The following PLIN5 variants were observed in gnomAD, a reference collection of about 807,000 sequenced individuals.
The protein encoded by PLIN5 is perilipin-5.
In PLIN5, 34 loss-of-function variants were observed where a neutral mutation model predicts 32.8. The ratio of observed to expected loss-of-function variants is 1.04; its 90% CI spans 0.79 to 1.38. PLIN5 has a LOEUF of 1.38. PLIN5 is among the 40% of genes most tolerant of loss of function. PLIN5 has a pLI of 0.00. For missense variants in PLIN5, 712 were observed against 660.5 expected, an observed-to-expected ratio of 1.08 and a Z score of -0.85; for synonymous variants, 309 against 292.9, an observed-to-expected ratio of 1.05 and a Z score of -0.56.
At position 4,525,584 on chromosome 19, in the gene PLIN5, A is replaced by G; in HGVS notation, c.720+49T>C. On this transcript the variant is annotated intron_variant, in intron 6 of 7. Transcript: ENST00000381848. The surrounding 1 kb of genome is among the most constrained non-coding windows in gnomAD (Gnocchi z 5.6). ...CCGGTATTCAGCTGGTGCTCAATCCATACTGATTGGCCTGCATCCCGGAGC... is the reference window on the plus strand; with the variant it reads ...CCGGTATTCAGCTGGTGCTCAATCCGTACTGATTGGCCTGCATCCCGGAGC... 1 of 1,599,316 alleles carries G rather than the reference A, an allele frequency of 6.3e-7. No individual in the cohort carries two copies.
Position 4,524,112 on chromosome 19 carries a change from C to A in PLIN5, c.835-27G>T, listed in dbSNP as rs541355909. On this transcript the variant is annotated intron_variant, in intron 7 of 7. Transcript: ENST00000381848. ...TGCAGGGGGCGGGGACCTCAGTTTCCCCTATGGACGCCCAGGAGGACTGCT... is the reference window on the plus strand; with the variant it reads ...TGCAGGGGGCGGGGACCTCAGTTTCACCTATGGACGCCCAGGAGGACTGCT... 4.4e-5 allele frequency: 61 copies of A among 1,392,868 alleles called. No homozygotes were observed. The African/African-American group carries it at 6.2e-4, about 14-fold the overall frequency. 86.3% of individuals were successfully genotyped at this position (1,392,868 alleles called of 1,614,324 possible). A position where few individuals can be genotyped will look rare whatever the true frequency, so the allele number is the denominator to read the frequency against.
chr19:4,526,673 A>G (rs1976807296), intron 5 of PLIN5, among the ~76,000 whole-genome samples: 3 of 151,340 alleles, frequency 2.0e-5, no homozygotes, highest in Admixed American at 6.6e-5. Context: ...TACAGCAAAA[A>G]ACCCTGTCTC....
At chr19:4,527,074 G>GA (rs1246809076) in intron 5 of PLIN5, among the ~76,000 whole-genome samples, 22 of 148,516 alleles carry the variant, frequency 1.5e-4, no homozygotes, top group African/African-American at 5.2e-4. Flanking sequence ...CCATCTCTAA[G>GA]AAAAAAAATT....
intron 3 of PLIN5, 125 bp from the exon 4 acceptor site, chr19:4,529,991 A>G (rs941715520): frequency 1.5e-5 from 8 of 540,130 alleles, no homozygotes; most frequent in Admixed American, 6.4e-5. Context: ...GGAGACCAGG[A>G]TAAGACAGGG....
chr19:4,523,767 G>T lies in PLIN5; in HGVS notation c.1153C>A (p.Arg385=), dbSNP rs201088294. 34 of 1,599,016 alleles carry T rather than the reference G, an allele frequency of 2.1e-5. No individual in the cohort carries two copies. Among genetic ancestry groups the T allele is most frequent in the Non-Finnish European group, 2.8e-5 (33 of 1,179,322 alleles). Residue 385 remains arginine, a synonymous_variant, in exon 8 of 8, where the codon CGA becomes AGA. Transcript: ENST00000381848. The surrounding 1 kb of genome is among the most constrained non-coding windows in gnomAD (Gnocchi z 5.0). ...VGPFAPILVE[R]PEPLPDLADL... is the part of the protein sequence containing the mutation. Reference sequence around the variant, plus strand: ...GCCAGGTCGGGCAGGGGCTCGGGTCGCTCCACAAGGATGGGCGCGAAGGGT... The same window carrying T: ...GCCAGGTCGGGCAGGGGCTCGGGTCTCTCCACAAGGATGGGCGCGAAGGGT...
rs1233153601 is a variant in PLIN5 at position 4,523,974 on chromosome 19, C to T, written c.946G>A (p.Val316Met). ...RGLPAGAQEK[V>M]AEVRRSVDAL... ...TCCACACTGCGCCGCACCTCAGCCA[C>T]CTTCTCCTGGGCGCCGGCGGGCAGG... Residue 316 changes from valine to methionine, a missense_variant, in exon 8 of 8, where the codon GTG (valine) becomes ATG (methionine). By Grantham distance (21) the Val-to-Met change is conservative. Transcript: ENST00000381848. The surrounding 1 kb of genome is among the most constrained non-coding windows in gnomAD (Gnocchi z 5.0). The T allele has an allele frequency of 1.4e-5, 21 of 1,526,732 alleles. No homozygotes were observed. In the Admixed American group the frequency reaches 4.0e-4, roughly 29 times the overall value. 94.6% of individuals were successfully genotyped at this position (1,526,732 alleles called of 1,614,324 possible). A position where few individuals can be genotyped will look rare whatever the true frequency, so the allele number is the denominator to read the frequency against.
Position 4,534,030 on chromosome 19 carries a change from CCACA to C in PLIN5, c.41_44del (p.Val14GlyfsTer53), listed in dbSNP as rs776920956. The C allele has an allele frequency of 1.2e-6, 2 of 1,613,222 alleles. No individual in the cohort carries two copies. The highest frequency in any genetic ancestry group is 1.7e-6 in the Non-Finnish European group (2 of 1,179,638). On this transcript the variant is annotated frameshift_variant, in exon 2 of 8. Coordinates refer to ENST00000381848, the MANE Select transcript of PLIN5 (RefSeq NM_001013706.3). LOFTEE classifies it high-confidence loss of function. ...CAGCCCTCACCTGCTGGTCCTGCTC[CCACA>C]CACTGGATCTGGGGATCTGAGCCGC...
rs745498226 is a variant in PLIN5, at chr19:4,529,271, C to T, written c.340-18G>A. 8.8e-6 allele frequency: 14 copies of T among 1,584,062 alleles called. No individual in the cohort carries two copies. Among genetic ancestry groups the T allele is most frequent in the Non-Finnish European group, 1.2e-5 (14 of 1,162,558 alleles). ...GTCACCACCTGGAAGGAAGGGCCCC[C>T]CCACTCCAGGCACCGTGGGACTCCA... On this transcript the variant is annotated intron_variant, in intron 4 of 7. Coordinates refer to ENST00000381848, the MANE Select transcript of PLIN5 (RefSeq NM_001013706.3).
At chr19:4,524,457 C>T (rs1976774222) in intron 7 of PLIN5, among the ~76,000 whole-genome samples, 1 of 152,198 alleles carries the variant, frequency 6.6e-6, no homozygotes, top group Non-Finnish European at 1.5e-5. Context: ...GAGGCTGAGA[C>T]AGGAGAATCG....
intron 4 of PLIN5, 163 bp from the exon 5 acceptor site, chr19:4,529,416 G>A (rs771904613): frequency 2.8e-6 from 2 of 719,302 alleles, no homozygotes; most frequent in Non-Finnish European, 4.5e-6. Context: ...CCTCACAGAG[G>A]GTGTTGAGGG....
chr19:4,523,704 G>C lies in PLIN5; in HGVS notation c.1216C>G (p.Arg406Gly). ...VDEVIGGPDP[R>G]WAHLDWPAQQ... ...GCCGGCCAGTCCAGGTGCGCCCAGC[G>C]GGGGTCAGGGCCCCCGATGACCTCG... Residue 406 changes from arginine to glycine, a missense_variant, in exon 8 of 8, where the codon CGC becomes GGC. Transcript: ENST00000381848. The surrounding 1 kb of genome is among the most constrained non-coding windows in gnomAD (Gnocchi z 5.0). The C allele has an allele frequency of 6.2e-7, 1 of 1,604,456 alleles. No homozygotes were observed. The highest frequency in any genetic ancestry group is 8.5e-7 in the Non-Finnish European group (1 of 1,179,638).
chr19:4,527,854 A>T (rs1314904689), intron 5 of PLIN5, among the ~76,000 whole-genome samples: 2 of 152,026 alleles, frequency 1.3e-5, no homozygotes, highest in African/African-American at 4.8e-5. Context: ...CTCAAAAAAA[A>T]AGAAAAAAAA....
At chr19:4,529,360 G>T (rs766574903) in intron 4 of PLIN5, 107 bp from the exon 5 acceptor site, 1 of 1,261,428 alleles carries the variant, frequency 7.9e-7, no homozygotes, top group Non-Finnish European at 1.1e-6. Context: ...CTTCTACCTG[G>T]CTCCGTGCCT....
Position 4,523,895 on chromosome 19 carries a change from G to A in PLIN5, c.1025C>T (p.Ala342Val), listed in dbSNP as rs1208388198. 2 of 1,516,704 alleles carry A rather than the reference G, an allele frequency of 1.3e-6. No individual in the cohort carries two copies. Among genetic ancestry groups the A allele is most frequent in the African/African-American group, 1.4e-5 (1 of 70,376 alleles). 94.0% of individuals were successfully genotyped at this position (1,516,704 alleles called of 1,614,324 possible). A position where few individuals can be genotyped will look rare whatever the true frequency, so the allele number is the denominator to read the frequency against. The change falls in exon 8 of 8, where the codon GCC becomes GTC. Residue 342 changes from alanine (A) to valine (V), a missense_variant. Coordinates refer to ENST00000381848, the MANE Select transcript of PLIN5 (RefSeq NM_001013706.3). The surrounding 1 kb of genome is among the most constrained non-coding windows in gnomAD (Gnocchi z 5.0). ...DARCFRDVPA[A>V]ALAEGRGRVA... ...GCGACCCCGGCCCTCGGCCAGCGCGGCCGCTGGCACGTCCCTGAAGCAGCG... is the reference window on the plus strand; with the variant it reads ...GCGACCCCGGCCCTCGGCCAGCGCGACCGCTGGCACGTCCCTGAAGCAGCG...
In PLIN5 at chr19:4,529,166, G is replaced by A. The variant is rs1474853505; in HGVS notation, c.427C>T (p.Leu143=). The A allele has an allele frequency of 1.2e-6, 2 of 1,613,156 alleles. No homozygotes were observed. Among genetic ancestry groups the A allele is most frequent in the African/African-American group, 2.7e-5 (2 of 74,902 alleles). ...ACAGCATGGCTCACGGAGCGCTTCA[G>A]CTCCACGCTCCAGCGCCGGCCCCTC... ...ARRGRRWSVE[L]KRSVSHAVDV... is the part of the protein sequence containing the mutation. The change falls in exon 5 of 8, where the codon CTG becomes TTG. Residue 143 remains leucine, a synonymous_variant. Coordinates refer to ENST00000381848, the MANE Select transcript of PLIN5 (RefSeq NM_001013706.3).
Position 4,523,965 on chromosome 19 carries a change from C to G in PLIN5, c.955G>C (p.Val319Leu). 1 of 1,527,698 alleles carries G rather than the reference C, an allele frequency of 6.5e-7. No homozygotes were observed. Among genetic ancestry groups the G allele is most frequent in the Non-Finnish European group, 8.7e-7 (1 of 1,144,534 alleles). The allele number at this position is 1,527,698 out of a possible 1,614,324, so 94.6% of individuals were successfully genotyped here. Residue 319 changes from valine (V) to leucine (L), a missense_variant, in exon 8 of 8, where the codon GTG (valine) becomes CTG (leucine). By Grantham distance (32) the Val-to-Leu change is conservative. Transcript: ENST00000381848. The surrounding 1 kb of genome is among the most constrained non-coding windows in gnomAD (Gnocchi z 5.0). Reference sequence around the variant, plus strand: ...TGCAGGGCATCCACACTGCGCCGCACCTCAGCCACCTTCTCCTGGGCGCCG... The same window carrying G: ...TGCAGGGCATCCACACTGCGCCGCAGCTCAGCCACCTTCTCCTGGGCGCCG... ...PAGAQEKVAE[V>L]RRSVDALQTA...
intron 2 of PLIN5, chr19:4,533,725 G>A (rs145392487): frequency 1.4e-5 from 7 of 513,084 alleles, no homozygotes; most frequent in African/African-American, 3.8e-5. Flanking sequence ...GATGGTGGAC[G>A]TGGAGACAGA....
chr19:4,529,120 GA>G lies in PLIN5; in HGVS notation c.472del (p.Ser158GlnfsTer11). 1 of 1,613,472 alleles carries G rather than the reference GA, an allele frequency of 6.2e-7. No homozygotes were observed. The highest frequency in any genetic ancestry group is 1.1e-5 in the South Asian group (1 of 91,082). ...CAGGAAGTGATCCACCAGCTCCTCTGATTTTTCCAGTACAACATCCACAGCA... is the reference window on the plus strand; with the variant it reads ...CAGGAAGTGATCCACCAGCTCCTCTGTTTTTCCAGTACAACATCCACAGCA... ...SHAVDVVLEK[S>X]EELVDHFLPM... On this transcript the variant is annotated frameshift_variant, in exon 5 of 8. Coordinates refer to ENST00000381848, the MANE Select transcript of PLIN5 (RefSeq NM_001013706.3). LOFTEE classifies it high-confidence loss of function.
chr19:4,527,532 C>A (rs1976820029), intron 5 of PLIN5, among the ~76,000 whole-genome samples: 1 of 98,314 alleles, frequency 1.0e-5, no homozygotes, highest in Non-Finnish European at 2.0e-5. Flanking sequence ...GAGTGAGACT[C>A]CACTTCAAAA....
Sources: allele counts gnomAD v4.1 joint callset (sites outside exome capture counted in the v4.1 genomes callset), GRCh38; gene constraint gnomAD v4.1.1; non-coding constraint Gnocchi (gnomAD v3.1); transcripts MANE v1.5; gene names NCBI Gene and HGNC (gene_info 2026-07-23, HGNC 2026-07-21).